SON: variants seen among roughly 807,000 people sequenced by gnomAD.
The protein encoded by SON is SON DNA and RNA binding protein.
SON carries 4 observed loss-of-function variants against 173.3 expected under a neutral mutation model. The observed-to-expected ratio is 0.02, with a 90% CI of 0.01 to 0.05. SON has a LOEUF of 0.05. SON is among the 10% of genes least tolerant of loss of function. The probability of loss-of-function intolerance (pLI) is 1.00; values close to 1 mark genes in which losing one functional copy is unlikely to be tolerated. For synonymous variants in SON, 1,190 were observed against 1,105.9 expected, an observed-to-expected ratio of 1.08 and a Z score of -1.51; for missense variants, 2,626 against 3,055.3, an observed-to-expected ratio of 0.86 and a Z score of 3.31.
chr21:33,574,833 A>G (rs953341740), intron 9 of SON, among the ~76,000 whole-genome samples: 5 of 152,228 alleles, frequency 3.3e-5, no homozygotes, highest in African/African-American at 1.2e-4. Flanking sequence ...GAGGTTATGT[A>G]GAAAGGTTAT....
chr21:33,549,771 T>A lies in SON; in HGVS notation c.540T>A (p.Asn180Lys), dbSNP rs368918458. 6 of 1,614,074 alleles carry A rather than the reference T, an allele frequency of 3.7e-6. No homozygotes were observed. The highest frequency in any genetic ancestry group is 5.1e-6 in the Non-Finnish European group (6 of 1,180,036). ...PTRAFGPSETNESPAVVLEPP... is the reference protein window; with the variant it reads ...PTRAFGPSETKESPAVVLEPP... The stretch of plus-strand genomic sequence containing the variant: ...GAGCATTTGGCCCATCTGAGACCAA[T>A]GAATCCCCTGCAGTTGTGCTAGAAC... Residue 180 changes from asparagine to lysine, a missense_variant, in exon 3 of 12, where the codon AAT becomes AAA. This residue lies in a region of SON where 757 missense variants were observed against 730.1 expected (regional missense o/e 1.04). Transcript: ENST00000356577.
chr21:33,575,490 T>C, intron 9 of SON, 106 bp from the exon 10 acceptor site: 2 of 637,914 alleles, frequency 3.1e-6, no homozygotes, highest in Non-Finnish European at 5.4e-6. Context: ...AGGAATCTGC[T>C]GATTTTATTT....
At chr21:33,575,099 C>T (rs1569070837) in intron 9 of SON, among the ~76,000 whole-genome samples, 3 of 151,970 alleles carry the variant, frequency 2.0e-5, no homozygotes, top group Non-Finnish European at 2.9e-5. Flanking sequence ...GTCAGTGGCA[C>T]GATCTTTACT....
rs754798853 is a variant in SON, at chr21:33,554,361, C to T, written c.5130C>T (p.Pro1710=). 2.5e-6 allele frequency: 4 copies of T among 1,613,920 alleles called. No individual in the cohort carries two copies. Among genetic ancestry groups the T allele is most frequent in the South Asian group, 2.2e-5 (2 of 91,094 alleles). Reference sequence around the variant, plus strand: ...GTGGAGGAGAAAAAGAAGTACCTCCCCCTCCTAAAGAGACACTGCCTGATT... The same window carrying T: ...GTGGAGGAGAAAAAGAAGTACCTCCTCCTCCTAAAGAGACACTGCCTGATT... The part of the protein sequence containing the change: ...ESSGGEKEVP[P]PPKETLPDSG... The change falls in exon 3 of 12, where the codon CCC becomes CCT. Residue 1710 remains proline (P), a synonymous_variant. Transcript: ENST00000356577.
Position 33,568,995 on chromosome 21 carries a change from T to G in SON, c.6793T>G (p.Ser2265Ala). The change falls in exon 8 of 12, where the codon TCT (serine) becomes GCT (alanine). Residue 2265 changes from serine (S) to alanine (A), a missense_variant. Physicochemically the swap from Ser to Ala is moderately conservative, Grantham distance 99 (BLOSUM62 1). Around this residue, in one of 13 missense-constraint regions of SON, gnomAD observed 75 missense variants for 201.6 expected, o/e 0.37. Transcript: ENST00000356577. The part of the protein sequence containing the change: ...ERIDAWAQLN[S>A]IPGQFTGSTG... Reference sequence around the variant, plus strand: ...GATTGATGCCTGGGCTCAGCTGAACTCTATTCCTGGCCAGTTCACAGGAAG... The same window carrying G: ...GATTGATGCCTGGGCTCAGCTGAACGCTATTCCTGGCCAGTTCACAGGAAG... The G allele has an allele frequency of 1.2e-6, 2 of 1,611,366 alleles. No individual in the cohort carries two copies. Among genetic ancestry groups the G allele is most frequent in the Non-Finnish European group, 1.7e-6 (2 of 1,178,426 alleles).
intron 7 of SON, among the ~76,000 whole-genome samples, chr21:33,567,830 T>C (rs990674332): frequency 2.6e-5 from 4 of 152,088 alleles, no homozygotes; most frequent in Non-Finnish European, 5.9e-5. Flanking sequence ...GGAGAAATGC[T>C]TGAACCTGGG....
intron 9 of SON, 39 bp from the exon 10 acceptor site, chr21:33,575,557 T>C (rs1463746066): frequency 1.3e-6 from 2 of 1,486,236 alleles, no homozygotes; most frequent in East Asian, 2.3e-5. Context: ...TTTAAAGTGG[T>C]GCTTTGAAAT....
At position 33,551,938 on chromosome 21, in the gene SON, T is replaced by A. The variant is rs1036000781; in HGVS notation, c.2707T>A (p.Ser903Thr). Residue 903 changes from serine (S) to threonine (T), a missense_variant, in exon 3 of 12, where the codon TCT becomes ACT. Coordinates refer to ENST00000356577, the MANE Select transcript of SON (RefSeq NM_138927.4). ...GATGTTAGCGTCTAGTACCCAAGAT[T>A]CTGCTATGTTGGGTTCAAAATCTCC... ...AQMLASSTQD[S>T]AMLGSKSPDP... The A allele has an allele frequency of 1.2e-6, 2 of 1,613,976 alleles. No individual in the cohort carries two copies. The highest frequency in any genetic ancestry group is 1.7e-5 in the Admixed American group (1 of 60,012).
At chr21:33,549,373 T>C in intron 2 of SON, 103 bp from the exon 3 acceptor site, 2 of 960,896 alleles carry the variant, frequency 2.1e-6, no homozygotes, top group East Asian at 5.4e-5. Flanking sequence ...GTACTTGGCC[T>C]GTACTAAGGT....
At chr21:33,566,007 GTCTTAT>G (rs1043894745) in intron 6 of SON, among the ~76,000 whole-genome samples, 1 of 152,070 alleles carries the variant, frequency 6.6e-6, no homozygotes, top group African/African-American at 2.4e-5. Flanking sequence ...TACTAGACAG[GTCTTAT>G]TCTTAAGAGA....
chr21:33,543,077 G>A lies in SON; in HGVS notation c.-16G>A, dbSNP rs181936410. 9 of 1,613,832 alleles carry A rather than the reference G, an allele frequency of 5.6e-6. No individual in the cohort carries two copies. Among genetic ancestry groups the A allele is most frequent in the East Asian group, 4.5e-5 (2 of 44,888 alleles). ...GAGGACTAGCGAGGAGGAGTTGAGA[G>A]AACGGAGCGGACGCCATGGCGACCA... On this transcript the variant is annotated 5_prime_UTR_variant, in exon 1 of 12. Transcript: ENST00000356577.
chr21:33,559,347 G>A lies in SON; in HGVS notation c.6439G>A (p.Glu2147Lys). ...TTATCATCATCCCTTTAAACTCAGTGAACCCAAACCTATTTTTTTCAATCT... is the reference window on the plus strand; with the variant it reads ...TTATCATCATCCCTTTAAACTCAGTAAACCCAAACCTATTTTTTTCAATCT... ...PFYHHPFKLS[E>K]PKPIFFNLNI... The change falls in exon 5 of 12, where the codon GAA becomes AAA. Residue 2147 changes from glutamate to lysine, a missense_variant. Around this residue, in one of 13 missense-constraint regions of SON, gnomAD observed 75 missense variants for 201.6 expected, o/e 0.37. Coordinates refer to ENST00000356577, the MANE Select transcript of SON (RefSeq NM_138927.4). This position sits in a 1 kb window ranked among gnomAD's most constrained non-coding sequence, Gnocchi z 4.1. The A allele has an allele frequency of 6.2e-7, 1 of 1,611,850 alleles. No individual in the cohort carries two copies. Among genetic ancestry groups the A allele is most frequent in the Non-Finnish European group, 8.5e-7 (1 of 1,179,332 alleles).
At chr21:33,544,855 G>C (rs1261678181) in intron 1 of SON, among the ~76,000 whole-genome samples, 2 of 152,098 alleles carry the variant, frequency 1.3e-5, no homozygotes, top group African/African-American at 4.8e-5. Flanking sequence ...TAAATGCTTA[G>C]GAAAATTGTA....
chr21:33,550,129 T>C lies in SON; in HGVS notation c.898T>C (p.Leu300=), dbSNP rs1321639521. 6.2e-7 allele frequency: 1 copy of C among 1,614,052 alleles called. No homozygotes were observed. Among genetic ancestry groups the C allele is most frequent in the Non-Finnish European group, 8.5e-7 (1 of 1,180,056 alleles). The stretch of plus-strand genomic sequence containing the variant: ...GGTAGAGCCCCCAGTAGCAAAAGTG[T>C]TAGAGCCTTCAGAAACCCTTGTGGT... The part of the protein sequence containing the change: ...MLVEPPVAKV[L]EPSETLVVSS... The change falls in exon 3 of 12, where the codon TTA becomes CTA. Residue 300 remains leucine, a synonymous_variant. Coordinates refer to ENST00000356577, the MANE Select transcript of SON (RefSeq NM_138927.4).
At chr21:33,567,694 C>A (rs548623215) in intron 7 of SON, among the ~76,000 whole-genome samples, 1 of 151,906 alleles carries the variant, frequency 6.6e-6, no homozygotes, top group Admixed American at 6.5e-5. Context: ...GAGGTGGGGG[C>A]AAGGAGTCAG....
chr21:33,567,266 G>T lies in SON; in HGVS notation c.6767G>T (p.Arg2256Met). Residue 2256 changes from arginine to methionine, a missense_variant and splice_region_variant, in exon 7 of 12, where the codon AGG becomes ATG. Physicochemically the swap from Arg to Met is moderately conservative, Grantham distance 91. Coordinates refer to ENST00000356577, the MANE Select transcript of SON (RefSeq NM_138927.4). ...AMSMLNRAQE[R>M]IDAWAQLNSI... ...AGCATGTTAAATAGAGCTCAGGAAAGGGTATGTAGCAGTTTTTTAAAAAAA... is the reference window on the plus strand; with the variant it reads ...AGCATGTTAAATAGAGCTCAGGAAATGGTATGTAGCAGTTTTTTAAAAAAA... 1 of 1,538,676 alleles carries T rather than the reference G, an allele frequency of 6.5e-7. No homozygotes were observed. Among genetic ancestry groups the T allele is most frequent in the African/African-American group, 1.4e-5 (1 of 73,620 alleles).
rs1388939253 is a variant in SON at position 33,577,218 on chromosome 21, GAT to G, written c.*798_*799del. The G allele has an allele frequency of 6.6e-6, 1 of 152,352 alleles. No homozygotes were observed. The highest frequency in any genetic ancestry group is 2.4e-5 in the African/African-American group (1 of 41,414). The allele number at this position is 152,352 out of a possible 1,614,324, so 9.4% of individuals were successfully genotyped here. On this transcript the variant is annotated 3_prime_UTR_variant, in exon 12 of 12. Coordinates refer to ENST00000356577, the MANE Select transcript of SON (RefSeq NM_138927.4). ...TACATTTAGTATGGCATTGAGTTGTGATATAGTTTTACTTTGATGTGCATTTT... is the reference window on the plus strand; with the variant it reads ...TACATTTAGTATGGCATTGAGTTGTGATAGTTTTACTTTGATGTGCATTTT...
intron 6 of SON, among the ~76,000 whole-genome samples, chr21:33,562,266 C>T (rs922558823): frequency 2.6e-5 from 4 of 152,110 alleles, no homozygotes; most frequent in Non-Finnish European, 5.9e-5. Context: ...GGTAACACTT[C>T]GTGGGAGCAT....
chr21:33,569,317 T>G (rs1256776093), intron 8 of SON: 1 of 458,006 alleles, frequency 2.2e-6, no homozygotes, highest in Admixed American at 3.9e-5. Context: ...TTTTAAAAAT[T>G]GTTACTGCTG....
Sources: gnomAD v4.1 joint callset for allele counts (sites outside exome capture counted in the v4.1 genomes callset) on GRCh38, gnomAD v4.1.1 for gene constraint, gnomAD v4.1.1 regional missense constraint, Gnocchi (gnomAD v3.1) non-coding constraint, MANE v1.5 for transcripts, NCBI Gene and HGNC (gene_info 2026-07-23, HGNC 2026-07-21) for gene names.